The following TENM3 variants were observed in gnomAD, a reference collection of about 807,000 sequenced individuals.
TENM3 encodes the protein teneurin-3.
In TENM3, 63 loss-of-function variants were observed where a neutral mutation model predicts 255.1. The observed-to-expected ratio is 0.25, with a 90% CI of 0.20 to 0.30. TENM3 has a LOEUF of 0.30. Ranked by LOEUF, TENM3 falls within the 10% of genes least tolerant of loss-of-function variation. The pLI is 1.00. For missense variants in TENM3, 2,929 were observed against 3,461.1 expected (o/e 0.85, Z 3.86); for synonymous variants, 1,306 against 1,322.3 (o/e 0.99, Z 0.27).
the TENM3 span, among the ~76,000 whole-genome samples, chr4:181,570,947 G>C: frequency 1.3e-5 from 2 of 152,224 alleles, no homozygotes; most frequent in African/African-American, 4.8e-5. Context: ...GTGTCTTACT[G>C]TTCAGTGTAG....
intron 24 of TENM3, among the ~76,000 whole-genome samples, chr4:182,780,922 G>T (rs1345535913): frequency 2.0e-5 from 3 of 151,188 alleles, no homozygotes; most frequent in Non-Finnish European, 2.9e-5. Flanking sequence ...CTGAGACTTT[G>T]CTGAAGTTGC....
chr4:182,728,865 CT>C, intron 13 of TENM3, 99 bp from the exon 14 acceptor site: 1 of 809,990 alleles, frequency 1.2e-6, no homozygotes, highest in Non-Finnish European at 1.8e-6. Flanking sequence ...GGAGAAATCA[CT>C]TGATGTGAAA....
At chr4:182,564,176 T>C (rs1045910327) in intron 3 of TENM3, among the ~76,000 whole-genome samples, 14 of 152,166 alleles carry the variant, frequency 9.2e-5, no homozygotes, top group African/African-American at 3.4e-4. Flanking sequence ...ATTCACTGCT[T>C]TCTGAGGCAG....
the TENM3 span, among the ~76,000 whole-genome samples, chr4:181,775,779 G>A: frequency 1.3e-5 from 2 of 151,910 alleles, no homozygotes; most frequent in Non-Finnish European, 2.9e-5. Context: ...ATTTATTTAG[G>A]TATTATTTTT....
chr4:181,543,292 A>G, the TENM3 span, among the ~76,000 whole-genome samples: 8 of 152,118 alleles, frequency 5.3e-5, no homozygotes, highest in Admixed American at 4.6e-4. Flanking sequence ...CTTTCTAGGT[A>G]GGACTGGAGC....
At chr4:182,005,033 A>C in the TENM3 span, among the ~76,000 whole-genome samples, 1 of 152,144 alleles carries the variant, frequency 6.6e-6, no homozygotes, top group African/African-American at 2.4e-5. Context: ...ATTCACTCTG[A>C]TGACAGATTC....
At chr4:182,500,385 TAAC>T (rs909866398) in intron 3 of TENM3, among the ~76,000 whole-genome samples, 1 of 152,100 alleles carries the variant, frequency 6.6e-6, no homozygotes, top group Non-Finnish European at 1.5e-5. Context: ...CATGGATAGC[TAAC>T]AACGAGAAAA....
chr4:181,545,021 G>A, the TENM3 span, among the ~76,000 whole-genome samples: 3 of 152,172 alleles, frequency 2.0e-5, no homozygotes, highest in East Asian at 3.9e-4. Context: ...AGGTGGCATC[G>A]CTGCTGGCAG....
intron 1 of TENM3, among the ~76,000 whole-genome samples, chr4:182,161,658 C>CACAAATATATATATGTATATATAT (rs1751216614): frequency 2.3e-5 from 2 of 85,196 alleles, no homozygotes; most frequent in Non-Finnish European, 4.5e-5. Context: ...TATATACACA[C>CACAAATATATATATGTATATATAT]ACACAAATAT....
At chr4:182,363,016 G>C (rs1328915408) in intron 3 of TENM3, among the ~76,000 whole-genome samples, 1 of 152,154 alleles carries the variant, frequency 6.6e-6, no homozygotes, top group Non-Finnish European at 1.5e-5. Flanking sequence ...TTTTAAGTCA[G>C]TGTAGTATAA....
At chr4:181,537,540 T>A in the TENM3 span, among the ~76,000 whole-genome samples, 1 of 152,216 alleles carries the variant, frequency 6.6e-6, no homozygotes, top group Non-Finnish European at 1.5e-5. Flanking sequence ...ATAGTGTATC[T>A]AGAGAAAAGA....
chr4:181,495,987 T>C, the TENM3 span, among the ~76,000 whole-genome samples: 7 of 146,634 alleles, frequency 4.8e-5, no homozygotes, highest in South Asian at 1.5e-3. Flanking sequence ...GGAGATAAAA[T>C]ATCCCCCAAA....
At chr4:182,379,861 C>T (rs1767447935) in intron 3 of TENM3, among the ~76,000 whole-genome samples, 1 of 152,162 alleles carries the variant, frequency 6.6e-6, no homozygotes, top group African/African-American at 2.4e-5. Flanking sequence ...AGAGAATCTA[C>T]TTCACAGGGT....
chr4:182,082,495 T>C, the TENM3 span, among the ~76,000 whole-genome samples: 58 of 152,334 alleles, frequency 3.8e-4, 1 homozygote, highest in East Asian at 7.3e-3. Flanking sequence ...ACATACAATA[T>C]TGAAAAACAC....
At chr4:182,178,483 T>A (rs1379584561) in intron 1 of TENM3, among the ~76,000 whole-genome samples, 1 of 152,156 alleles carries the variant, frequency 6.6e-6, no homozygotes, top group East Asian at 1.9e-4. Flanking sequence ...ATTAAAGAAA[T>A]ATGAACCTAC....
At chr4:182,462,754 G>T (rs1239329474) in intron 3 of TENM3, among the ~76,000 whole-genome samples, 2 of 151,866 alleles carry the variant, frequency 1.3e-5, no homozygotes, top group Non-Finnish European at 2.9e-5. Flanking sequence ...GGGTGTGGTG[G>T]TGGGCGCCTG....
intron 2 of TENM3, among the ~76,000 whole-genome samples, chr4:182,333,151 A>G (rs1463454286): frequency 6.6e-6 from 1 of 152,208 alleles, no homozygotes; most frequent in Admixed American, 6.5e-5. Context: ...TAATGTTTAA[A>G]AATCTATTCA....
the TENM3 span, among the ~76,000 whole-genome samples, chr4:181,464,865 G>C: frequency 0.48 from 73,338 of 151,902 alleles, 18,635 homozygotes; most frequent in African/African-American, 0.64. Context: ...GCAGGAGAAT[G>C]ACTTGAACCC....
chr4:181,736,955 C>T, the TENM3 span, among the ~76,000 whole-genome samples: 3 of 152,096 alleles, frequency 2.0e-5, no homozygotes, highest in Non-Finnish European at 4.4e-5. Context: ...CAATCACTTC[C>T]TGGGGTGGTG....
Sources: gnomAD v4.1 joint callset for allele counts (sites outside exome capture counted in the v4.1 genomes callset) on GRCh38, gnomAD v4.1.1 for gene constraint, MANE v1.5 for transcripts, NCBI Gene and HGNC (gene_info 2026-07-23, HGNC 2026-07-21) for gene names.